Variants in ARHGAP24 observed in about 807,000 individuals in gnomAD.
ARHGAP24 encodes the protein rho GTPase-activating protein 24.
ARHGAP24 carries 50 observed loss-of-function variants against 76.4 expected under a neutral mutation model. The ratio of observed to expected loss-of-function variants is 0.65; its 90% CI spans 0.52 to 0.83. The LOEUF (loss-of-function observed/expected upper bound fraction) is 0.83. ARHGAP24 is among the 40% of genes least tolerant of loss of function. ARHGAP24 has a pLI of 0.00. For synonymous variants in ARHGAP24, 345 were observed against 323.3 expected (o/e 1.07, Z -0.72); for missense variants, 930 against 914.2 (o/e 1.02, Z -0.22).
chr4:85,740,441 T>C (rs1413620950), intron 3 of ARHGAP24, among the ~76,000 whole-genome samples: 2 of 152,242 alleles, frequency 1.3e-5, no homozygotes, highest in South Asian at 4.1e-4. Context: ...CAGGCTGCTC[T>C]CGAACTCCTG....
At chr4:85,982,517 A>G (rs1456906975) in intron 8 of ARHGAP24, among the ~76,000 whole-genome samples, 4 of 152,076 alleles carry the variant, frequency 2.6e-5, no homozygotes, top group Non-Finnish European at 5.9e-5. Context: ...CCCAGGATCA[A>G]TCAGGCCCCA....
At chr4:85,965,342 C>T (rs936015272) in intron 5 of ARHGAP24, among the ~76,000 whole-genome samples, 1 of 152,068 alleles carries the variant, frequency 6.6e-6, no homozygotes. Flanking sequence ...CCCCATGATT[C>T]GATCATCTCA....
intron 2 of ARHGAP24, among the ~76,000 whole-genome samples, chr4:85,684,575 C>T (rs1006030154): frequency 3.3e-5 from 5 of 152,010 alleles, no homozygotes; most frequent in Admixed American, 2.0e-4. Context: ...TTATGCTGTC[C>T]GTTTCCGTCC....
intron 1 of ARHGAP24, among the ~76,000 whole-genome samples, chr4:85,551,112 T>C (rs1177034351): frequency 6.6e-6 from 1 of 152,208 alleles, no homozygotes; most frequent in African/African-American, 2.4e-5. Flanking sequence ...GTGCTGGTTT[T>C]CAAGGGGAAT....
chr4:85,535,579 A>G (rs1278452077), intron 1 of ARHGAP24, among the ~76,000 whole-genome samples: 3 of 152,206 alleles, frequency 2.0e-5, no homozygotes, highest in African/African-American at 7.2e-5. Flanking sequence ...TATGGTGAAT[A>G]ATCATTTCCA....
At chr4:85,537,676 A>G (rs534355400) in intron 1 of ARHGAP24, among the ~76,000 whole-genome samples, 1 of 152,312 alleles carries the variant, frequency 6.6e-6, no homozygotes, top group South Asian at 2.1e-4. Context: ...TCCTGGCATC[A>G]CTAAGTAAGC....
intron 3 of ARHGAP24, among the ~76,000 whole-genome samples, chr4:85,916,196 TTG>T (rs1735377427): frequency 6.6e-6 from 1 of 152,212 alleles, no homozygotes; most frequent in African/African-American, 2.4e-5. Flanking sequence ...TTCATGTTTG[TTG>T]GCCGCATAAA....
chr4:85,506,764 C>T (rs545780454), intron 1 of ARHGAP24, among the ~76,000 whole-genome samples: 28 of 152,274 alleles, frequency 1.8e-4, no homozygotes, highest in African/African-American at 6.7e-4. Context: ...ACTGTCCAAC[C>T]AGCCCCAGTG....
Position 85,729,190 on chromosome 4 carries a change from A to C in ARHGAP24, c.268+7218A>C, listed in dbSNP as rs564131650. Among the ~76,000 whole-genome samples, 3 of 151,786 alleles carry C rather than the reference A, an allele frequency of 2.0e-5. No individual in the cohort carries two copies. In the South Asian group the frequency reaches 6.2e-4, roughly 32 times the overall value. On this transcript the variant is annotated intron_variant, in intron 3 of 9. Transcript: ENST00000395184. ...TTGTATTTTTTTTTTGCTTAGATTT[A>C]ATATGTGCAAATCATTTAGAGAATG... is the stretch of plus-strand genomic sequence containing the variant.
chr4:85,573,302 T>A (rs1727214575), intron 2 of ARHGAP24, among the ~76,000 whole-genome samples: 2 of 152,254 alleles, frequency 1.3e-5, no homozygotes, highest in South Asian at 4.1e-4. Flanking sequence ...CAAATTCAGA[T>A]TAAGAACTGA....
At chr4:85,956,871 C>A (rs1405193414) in intron 5 of ARHGAP24, among the ~76,000 whole-genome samples, 1 of 152,084 alleles carries the variant, frequency 6.6e-6, no homozygotes, top group Non-Finnish European at 1.5e-5. Flanking sequence ...AGTGCAGTTG[C>A]AAGATTTAAT....
chr4:85,724,599 A>T (rs1406025073), intron 3 of ARHGAP24, among the ~76,000 whole-genome samples: 4 of 151,348 alleles, frequency 2.6e-5, no homozygotes, highest in Non-Finnish European at 5.9e-5. Flanking sequence ...AAGGAAAATC[A>T]TATTAAAAAA....
chr4:85,535,975 G>A (rs1015643776), intron 1 of ARHGAP24, among the ~76,000 whole-genome samples: 2 of 152,076 alleles, frequency 1.3e-5, no homozygotes, highest in East Asian at 1.9e-4. Context: ...GTCTCGTGAC[G>A]TTTATTGTGA....
chr4:85,895,001 C>CAAAAAAAAAAAAAAAAAAAAAA (rs1222078793), intron 3 of ARHGAP24, among the ~76,000 whole-genome samples: 3 of 54,342 alleles, frequency 5.5e-5, no homozygotes, highest in Admixed American at 2.7e-4. Flanking sequence ...AAACAAAAAG[C>CAAAAAAAAAAAAAAAAAAAAAA]AAAAAAAAAA....
chr4:85,612,083 T>TACACACACACACACACAC (rs34030905), intron 2 of ARHGAP24, among the ~76,000 whole-genome samples: 94 of 143,854 alleles, frequency 6.5e-4, no homozygotes, highest in East Asian at 1.6e-3. Flanking sequence ...TTCATTACAT[T>TACACACACACACACACAC]ACACACACAC....
At chr4:85,499,517 T>A (rs2110098232) in intron 1 of ARHGAP24, among the ~76,000 whole-genome samples, 1 of 152,320 alleles carries the variant, frequency 6.6e-6, no homozygotes, top group Admixed American at 6.5e-5. Flanking sequence ...GTCTAAATAT[T>A]TGAAGCTATG....
chr4:85,619,614 G>A (rs943222433), intron 2 of ARHGAP24, among the ~76,000 whole-genome samples: 2 of 151,558 alleles, frequency 1.3e-5, no homozygotes. Flanking sequence ...CCATTTATTC[G>A]TGTCATCTTC....
chr4:85,628,610 A>G (rs527417812), intron 2 of ARHGAP24, among the ~76,000 whole-genome samples: 70 of 152,206 alleles, frequency 4.6e-4, no homozygotes, highest in African/African-American at 1.6e-3. Flanking sequence ...GAAATCCTCT[A>G]TGATTATTGT....
At chr4:85,924,009 GGGT>G (rs772956324) in intron 4 of ARHGAP24, among the ~76,000 whole-genome samples, 12 of 151,662 alleles carry the variant, frequency 7.9e-5, no homozygotes, top group Non-Finnish European at 1.3e-4. Flanking sequence ...AAAAATGGGT[GGGT>G]TTTTTTTTTA....
Sources: allele counts gnomAD v4.1 joint callset (sites outside exome capture counted in the v4.1 genomes callset), GRCh38; gene constraint gnomAD v4.1.1; transcripts MANE v1.5; gene names NCBI Gene and HGNC (gene_info 2026-07-23, HGNC 2026-07-21).